The following NRDC variants were observed in gnomAD, a reference collection of about 807,000 sequenced individuals.
NRDC encodes the protein nardilysin convertase.
A neutral mutation model predicts 147.1 loss-of-function variants in NRDC; 54 were observed. The observed-to-expected ratio is 0.37, with a 90% CI of 0.29 to 0.46. NRDC has a LOEUF of 0.46. Among genes scored for constraint, NRDC ranks in the 20% least tolerant of loss-of-function variants. The pLI, the probability that NRDC is intolerant of heterozygous loss-of-function variation, is 1.00. For missense variants in NRDC, 1,082 were observed against 1,370.6 expected (o/e 0.79, Z 3.33); for synonymous variants, 440 against 482.1 (o/e 0.91, Z 1.14).
At position 51,791,568 on chromosome 1, in the gene NRDC, A is replaced by G; in HGVS notation, c.2960+10T>C. 6.3e-7 allele frequency: 1 copy of G among 1,598,910 alleles called. No individual in the cohort carries two copies. Among genetic ancestry groups the G allele is most frequent in the Non-Finnish European group, 8.6e-7 (1 of 1,166,260 alleles). ...ATAGGTTACACTCATCTATTCACTC[A>G]CTCACTCACTTGTATTTGGTTGCCT... On this transcript the variant is annotated intron_variant, in intron 27 of 30. Coordinates refer to ENST00000352171, the MANE Select transcript of NRDC (RefSeq NM_001101662.2).
intron 1 of NRDC, among the ~76,000 whole-genome samples, chr1:51,858,567 C>A (rs770552208): frequency 2.6e-5 from 4 of 151,900 alleles, no homozygotes; most frequent in Non-Finnish European, 5.9e-5. Context: ...ACTATCCTGC[C>A]TCAAGAGTGA....
At chr1:51,869,841 T>C (rs575512252) in intron 1 of NRDC, among the ~76,000 whole-genome samples, 1 of 152,370 alleles carries the variant, frequency 6.6e-6, no homozygotes, top group East Asian at 1.9e-4. Context: ...TTGTATCATT[T>C]GCACTTCTGT....
At chr1:51,795,689 G>A (rs144376456) in intron 22 of NRDC, 86 of 155,318 alleles carry the variant, frequency 5.5e-4, no homozygotes, top group Non-Finnish European at 1.1e-3. Context: ...CCTTAGTCAG[G>A]TACAAGGCCC....
At chr1:51,851,594 G>C (rs1681952606) in intron 1 of NRDC, among the ~76,000 whole-genome samples, 1 of 151,642 alleles carries the variant, frequency 6.6e-6, no homozygotes, top group Non-Finnish European at 1.5e-5. Flanking sequence ...CTTGGCCACA[G>C]TATTTTTTAA....
chr1:51,791,035 AATTAAGTC>A, intron 27 of NRDC, 45 bp from the exon 28 acceptor site: 1 of 1,371,034 alleles, frequency 7.3e-7, no homozygotes, highest in East Asian at 2.3e-5. Context: ...AAACATCTTC[AATTAAGTC>A]ATCAGAAACC....
Position 51,814,098 on chromosome 1 carries a change from G to C in NRDC, c.1620-9C>G, listed in dbSNP as rs370683663. 2.7e-5 allele frequency: 42 copies of C among 1,555,486 alleles called. No individual in the cohort carries two copies. The highest frequency in any genetic ancestry group is 3.5e-5 in the Non-Finnish European group (40 of 1,127,518). ...GAATCTCTTCAAAAATTCTGTGAAG[G>C]AGAAAACTATAATTAGAAGATACAT... On this transcript the variant is annotated splice_polypyrimidine_tract_variant and intron_variant, in intron 13 of 30. Coordinates refer to ENST00000352171, the MANE Select transcript of NRDC (RefSeq NM_001101662.2).
chr1:51,857,106 C>T (rs1462919280), intron 1 of NRDC, among the ~76,000 whole-genome samples: 6 of 152,174 alleles, frequency 3.9e-5, no homozygotes, highest in Admixed American at 3.3e-4. Context: ...TAAATTAAGT[C>T]TAACCTAAAG....
intron 1 of NRDC, among the ~76,000 whole-genome samples, chr1:51,868,556 A>G (rs1682931155): frequency 6.6e-6 from 1 of 152,212 alleles, no homozygotes; most frequent in Non-Finnish European, 1.5e-5. Context: ...TTCATAGAAT[A>G]GCACTTAAAT....
chr1:51,806,901 G>A lies in NRDC; in HGVS notation c.2003C>T (p.Thr668Met), dbSNP rs749568025. The change falls in exon 18 of 31, where the codon ACG (threonine) becomes ATG (methionine). Residue 668 changes from threonine to methionine, a missense_variant. Around this residue, in one of 3 missense-constraint regions of NRDC, gnomAD observed 635 missense variants for 923.8 expected, o/e 0.69. Coordinates refer to ENST00000352171, the MANE Select transcript of NRDC (RefSeq NM_001101662.2). ...AENKYIATDFTLKAFDCPETE... is the reference protein window; with the variant it reads ...AENKYIATDFMLKAFDCPETE... ...TTCCGGGCAATCGAAAGCCTTCAACGTAAAGTCCGTGGCTAATAAAAGAAG... is the reference window on the plus strand; with the variant it reads ...TTCCGGGCAATCGAAAGCCTTCAACATAAAGTCCGTGGCTAATAAAAGAAG... 4.6e-5 allele frequency: 74 copies of A among 1,613,474 alleles called. No individual in the cohort carries two copies. In the East Asian group the frequency reaches 1.4e-3, roughly 31 times the overall value.
intron 8 of NRDC, 95 bp from the exon 9 acceptor site, chr1:51,819,968 T>C: frequency 1.1e-6 from 1 of 900,310 alleles, no homozygotes; most frequent in African/African-American, 1.7e-5. Flanking sequence ...TTATAATCTA[T>C]TCTACATACT....
chr1:51,830,898 C>G (rs1463318189), intron 4 of NRDC, among the ~76,000 whole-genome samples: 1 of 152,078 alleles, frequency 6.6e-6, no homozygotes, highest in Non-Finnish European at 1.5e-5. Flanking sequence ...ATTTTGCTAA[C>G]CTATTAAAAA....
chr1:51,867,821 G>A (rs943969590), intron 1 of NRDC, among the ~76,000 whole-genome samples: 4 of 152,180 alleles, frequency 2.6e-5, no homozygotes, highest in Admixed American at 6.5e-5. Context: ...CAAACTGCAA[G>A]TACAGATAAC....
intron 22 of NRDC, chr1:51,795,416 G>A (rs78687757): frequency 1.3e-3 from 323 of 246,166 alleles, no homozygotes; most frequent in African/African-American, 6.8e-3. Flanking sequence ...CGGAAAAACA[G>A]GCAGCCTATT....
intron 1 of NRDC, among the ~76,000 whole-genome samples, chr1:51,857,218 T>G (rs967043256): frequency 6.6e-6 from 1 of 152,232 alleles, no homozygotes; most frequent in African/African-American, 2.4e-5. Context: ...ACTTTTGTGC[T>G]AATTACCGAG....
At chr1:51,824,200 A>G (rs1253505444) in intron 6 of NRDC, among the ~76,000 whole-genome samples, 1 of 147,966 alleles carries the variant, frequency 6.8e-6, no homozygotes, top group African/African-American at 2.5e-5. Flanking sequence ...ATCTTAGCTC[A>G]TGGCAACCTC....
At chr1:51,857,812 G>A (rs1427769336) in intron 1 of NRDC, among the ~76,000 whole-genome samples, 2 of 152,136 alleles carry the variant, frequency 1.3e-5, no homozygotes, top group African/African-American at 2.4e-5. Flanking sequence ...TCAGAAATTT[G>A]CAGAGATTTT....
chr1:51,821,857 T>C (rs527798098), intron 7 of NRDC, among the ~76,000 whole-genome samples: 1 of 152,172 alleles, frequency 6.6e-6, no homozygotes, highest in African/African-American at 2.4e-5. Context: ...GACCAAGAGA[T>C]AAGATTATGC....
chr1:51,849,252 G>T (rs1490445372), intron 1 of NRDC, among the ~76,000 whole-genome samples: 1 of 151,794 alleles, frequency 6.6e-6, no homozygotes, highest in Admixed American at 6.6e-5. Flanking sequence ...AATAAAAATA[G>T]CCAGGCATGG....
In NRDC at chr1:51,794,134, C is replaced by A. The variant is rs546626238; in HGVS notation, c.2775+338G>T. ...TCTTTGCTGTGTCTTAATTGTTTGG[C>A]TATGTTTACTTCTGTCTTCTTTTCA... On this transcript the variant is annotated intron_variant, in intron 24 of 30. Coordinates refer to ENST00000352171, the MANE Select transcript of NRDC (RefSeq NM_001101662.2). The A allele has an allele frequency of 8.7e-5, 19 of 219,170 alleles. No homozygotes were observed. In the East Asian group the frequency reaches 1.8e-3, roughly 20 times the overall value. 13.6% of individuals were successfully genotyped at this position (219,170 alleles called of 1,614,324 possible). A position where few individuals can be genotyped will look rare whatever the true frequency, so the allele number is the denominator to read the frequency against.
Sources: allele counts gnomAD v4.1 joint callset (sites outside exome capture counted in the v4.1 genomes callset), GRCh38; gene constraint gnomAD v4.1.1; regional missense constraint gnomAD v4.1.1; transcripts MANE v1.5; gene names NCBI Gene and HGNC (gene_info 2026-07-23, HGNC 2026-07-21).